LRRC53: variants seen among roughly 807,000 people sequenced by gnomAD.
LRRC53 encodes leucine rich repeat containing 53.
A neutral mutation model predicts 13.6 loss-of-function variants in LRRC53; 25 were observed. That is an observed-to-expected ratio of 1.83 (90% CI 1.34 to 2.56). LRRC53 has a LOEUF of 2.56. Ranked by LOEUF, LRRC53 falls within the 30% of genes most tolerant of loss-of-function variation. LRRC53 has a pLI of 0.00. For missense variants in LRRC53, 527 were observed against 275.8 expected (o/e 1.91, Z -6.45); for synonymous variants, 204 against 109.8 (o/e 1.86, Z -5.37).
At chr1:74,505,995 T>C (rs1331052159) in intron 1 of LRRC53, among the ~76,000 whole-genome samples, 1 of 152,216 alleles carries the variant, frequency 6.6e-6, no homozygotes, top group African/African-American at 2.4e-5. Flanking sequence ...AATCACTTTT[T>C]GTTTTTTTGG....
the LRRC53 span, among the ~76,000 whole-genome samples, chr1:74,526,165 A>G: frequency 6.6e-6 from 1 of 152,370 alleles, no homozygotes; most frequent in East Asian, 1.9e-4. Context: ...AAACCTTCCC[A>G]TGCAGACTGG....
intron 1 of LRRC53, among the ~76,000 whole-genome samples, chr1:74,496,604 G>T (rs1669337982): frequency 6.6e-6 from 1 of 151,918 alleles, no homozygotes; most frequent in South Asian, 2.1e-4. Context: ...TTGTATATTT[G>T]TTTCTAATTA....
intron 1 of LRRC53, among the ~76,000 whole-genome samples, chr1:74,494,003 G>A (rs1327466342): frequency 6.6e-6 from 1 of 152,166 alleles, no homozygotes; most frequent in Non-Finnish European, 1.5e-5. Context: ...CGGTTGTCAG[G>A]GGCCCCTGTT....
chr1:74,472,268 G>A (rs562510116), intron 4 of LRRC53, 67 bp from the exon 5 acceptor site: 37 of 688,592 alleles, frequency 5.4e-5, no homozygotes, highest in Admixed American at 3.6e-4. Flanking sequence ...AAACAGATGC[G>A]TAGAAACCTT....
chr1:74,488,206 T>G (rs966088861), intron 1 of LRRC53, among the ~76,000 whole-genome samples: 1 of 152,082 alleles, frequency 6.6e-6, no homozygotes, highest in African/African-American at 2.4e-5. Flanking sequence ...GGAGAAACCA[T>G]TTGGAAGTAG....
Position 74,472,206 on chromosome 1 carries a change from G to T in LRRC53, c.1421-5C>A. The T allele has an allele frequency of 2.8e-6, 2 of 715,916 alleles. No individual in the cohort carries two copies. The highest frequency in any genetic ancestry group is 2.7e-5 in the East Asian group (1 of 37,222). The allele number at this position is 715,916 out of a possible 1,614,324, so 44.3% of individuals were successfully genotyped here. On this transcript the variant is annotated splice_region_variant and splice_polypyrimidine_tract_variant and intron_variant, in intron 4 of 4. Transcript: ENST00000294635. Reference sequence around the variant, plus strand: ...TAAATATGTCACTGCTGATATCTGTGGAACAATAAATGCAAGAATTTAGCA... The same window carrying T: ...TAAATATGTCACTGCTGATATCTGTTGAACAATAAATGCAAGAATTTAGCA...
chr1:74,489,432 G>T (rs975864785), intron 1 of LRRC53, among the ~76,000 whole-genome samples: 3 of 152,140 alleles, frequency 2.0e-5, no homozygotes. Flanking sequence ...AGGGACAAAG[G>T]CAAAGTCAGA....
rs1667857275 is a variant in LRRC53, at chr1:74,470,249, T to C, written c.3373A>G (p.Ile1125Val). 3.2e-5 allele frequency: 13 copies of C among 400,722 alleles called. No homozygotes were observed. In the East Asian group the frequency reaches 4.6e-4, roughly 14 times the overall value. 24.8% of individuals were successfully genotyped at this position (400,722 alleles called of 1,614,324 possible). Reference sequence around the variant, plus strand: ...TCGGCAGAGCTTGCATCATGTAATATATATTTTTCACTTGTTCCATTTTCC... The same window carrying C: ...TCGGCAGAGCTTGCATCATGTAATACATATTTTTCACTTGTTCCATTTTCC... ...TWENGTSEKY[I>V]LHDASSAEET... The change falls in exon 5 of 5, where the codon ATA (isoleucine) becomes GTA (valine). Residue 1125 changes from isoleucine (I) to valine (V), a missense_variant. By Grantham distance (29) the Ile-to-Val change is conservative. Transcript: ENST00000294635.
chr1:74,500,407 C>A (rs1343337221), intron 1 of LRRC53, among the ~76,000 whole-genome samples: 1 of 150,992 alleles, frequency 6.6e-6, no homozygotes, highest in African/African-American at 2.4e-5. Context: ...CGAGACCATC[C>A]CGGCTAAAAA....
chr1:74,475,619 C>A lies in LRRC53; in HGVS notation c.1096G>T (p.Val366Phe), dbSNP rs1457705252. Residue 366 changes from valine (V) to phenylalanine (F), a missense_variant, in exon 4 of 5, where the codon GTC (valine) becomes TTC (phenylalanine). Val to Phe is a conservative substitution (Grantham distance 50, BLOSUM62 -1). Transcript: ENST00000294635. ...TTTCTGGACCCCACAGTGGACATGA[C>A]CTTTATCTCGTTTTCCTGAGTTAAG... ...CHLTQENEIK[V>F]MSTVGSRKEM... The A allele has an allele frequency of 1.4e-6, 1 of 717,238 alleles. No individual in the cohort carries two copies. Among genetic ancestry groups the A allele is most frequent in the Admixed American group, 2.0e-5 (1 of 49,994 alleles). The allele number at this position is 717,238 out of a possible 1,614,324, so 44.4% of individuals were successfully genotyped here. A position where few individuals can be genotyped will look rare whatever the true frequency, so the allele number is the denominator to read the frequency against.
the LRRC53 span, among the ~76,000 whole-genome samples, chr1:74,527,498 G>A: frequency 2.6e-5 from 4 of 152,166 alleles, no homozygotes; most frequent in East Asian, 1.9e-4. Context: ...GAGCTAAAAA[G>A]CAGATGTGGG....
chr1:74,496,194 G>T (rs370268313), intron 1 of LRRC53, among the ~76,000 whole-genome samples: 132 of 152,246 alleles, frequency 8.7e-4, no homozygotes, highest in African/African-American at 2.9e-3. Flanking sequence ...ATGATACGAT[G>T]CTAACCTGCC....
At chr1:74,524,847 G>A in the LRRC53 span, among the ~76,000 whole-genome samples, 2 of 152,170 alleles carry the variant, frequency 1.3e-5, no homozygotes, top group African/African-American at 4.8e-5. Context: ...TACTATGATT[G>A]AGATGCATGC....
rs1287491924 is a variant in LRRC53, at chr1:74,480,137, C to T, written c.904+16G>A. On this transcript the variant is annotated intron_variant, in intron 3 of 4. Transcript: ENST00000294635. Reference sequence around the variant, plus strand: ...AGAGAAGAGAAAAGAGGAGGGCACACTTCTCCCCGGCATACCTGCGAAGCC... The same window carrying T: ...AGAGAAGAGAAAAGAGGAGGGCACATTTCTCCCCGGCATACCTGCGAAGCC... The T allele has an allele frequency of 4.2e-6, 3 of 708,848 alleles. No individual in the cohort carries two copies. Among genetic ancestry groups the T allele is most frequent in the Non-Finnish European group, 5.2e-6 (2 of 381,336 alleles). The allele number at this position is 708,848 out of a possible 1,614,324, so 43.9% of individuals were successfully genotyped here. A position where few individuals can be genotyped will look rare whatever the true frequency, so the allele number is the denominator to read the frequency against.
intron 1 of LRRC53, among the ~76,000 whole-genome samples, chr1:74,493,125 T>C (rs1385547173): frequency 6.6e-6 from 1 of 152,108 alleles, no homozygotes; most frequent in African/African-American, 2.4e-5. Context: ...ACATATGAAT[T>C]TGAGGAGGGT....
At chr1:74,503,904 A>G (rs192040350) in intron 1 of LRRC53, among the ~76,000 whole-genome samples, 19 of 152,320 alleles carry the variant, frequency 1.2e-4, no homozygotes, top group African/African-American at 3.8e-4. Context: ...AGTGTTTGGT[A>G]TACCTCATTA....
the LRRC53 span, among the ~76,000 whole-genome samples, chr1:74,533,985 G>A: frequency 2.0e-5 from 3 of 152,194 alleles, no homozygotes; most frequent in Admixed American, 1.3e-4. Flanking sequence ...GTTTCTGCAA[G>A]TCATTCGAAC....
chr1:74,534,058 A>C, the LRRC53 span, among the ~76,000 whole-genome samples: 1 of 152,150 alleles, frequency 6.6e-6, no homozygotes, highest in Non-Finnish European at 1.5e-5. Flanking sequence ...CAGACACCCC[A>C]CAGGGGTTTT....
At position 74,486,201 on chromosome 1, in the gene LRRC53, A is replaced by AGAG. The variant is rs1668751420; in HGVS notation, c.-26-2827_-26-2826insCTC. Among the ~76,000 whole-genome samples, 6 of 136,516 alleles carry AGAG rather than the reference A, an allele frequency of 4.4e-5. No individual in the cohort carries two copies. In the East Asian group the frequency reaches 1.2e-3, roughly 26 times the overall value. 89.6% of individuals were successfully genotyped at this position (136,516 alleles called of 152,430 possible). ...GTCTACCCTCAGGCTAAATGCTATAAAGAGAGAGAGAGAGAGAGAGAGAGA... is the reference window on the plus strand; with the variant it reads ...GTCTACCCTCAGGCTAAATGCTATAAGAGAGAGAGAGAGAGAGAGAGAGAGAGA... On this transcript the variant is annotated intron_variant, in intron 1 of 4. Coordinates refer to ENST00000294635, the MANE Select transcript of LRRC53 (RefSeq NM_001382280.1).
Sources: gnomAD v4.1 joint callset for allele counts (sites outside exome capture counted in the v4.1 genomes callset) on GRCh38, gnomAD v4.1.1 for gene constraint, MANE v1.5 for transcripts, NCBI Gene and HGNC (gene_info 2026-07-23, HGNC 2026-07-21) for gene names.